The following CFAP299 variants were observed in gnomAD, a reference collection of about 807,000 sequenced individuals.
The protein encoded by CFAP299 is cilia and flagella associated protein 299, also known as cilia- and flagella-associated protein 299.
In CFAP299, 21 loss-of-function variants were observed where a neutral mutation model predicts 27.0. That is an observed-to-expected ratio of 0.78 (90% confidence interval 0.55 to 1.12). The LOEUF (loss-of-function observed/expected upper bound fraction) is 1.12, where lower values mean the gene tolerates loss of function less well. Among genes scored for constraint, CFAP299 ranks in the 50% most tolerant of loss-of-function variants. The pLI is 0.00. For missense variants in CFAP299, 310 were observed against 276.6 expected (o/e 1.12, Z -0.86); for synonymous variants, 104 against 98.1 (o/e 1.06, Z -0.36).
At position 80,767,490 on chromosome 4, in the gene CFAP299, T is replaced by C. The variant is rs571125967; in HGVS notation, c.334-102503T>C. On this transcript the variant is annotated intron_variant, in intron 3 of 5. Coordinates refer to ENST00000358105, the MANE Select transcript of CFAP299 (RefSeq NM_152770.3). ...CAGGCGTGGTGGTGGACGCCTGTAG[T>C]CCCAGCTACTGAGGAGGCTGAGGCA... is the stretch of plus-strand genomic sequence containing the variant. Among the ~76,000 whole-genome samples, 69 of 152,200 alleles carry C rather than the reference T, an allele frequency of 4.5e-4. 1 individual carries two copies. The highest frequency in any genetic ancestry group is 1.6e-3 in the African/African-American group (67 of 41,534).
chr4:80,403,737 A>G (rs1043842456), intron 2 of CFAP299, among the ~76,000 whole-genome samples: 1 of 152,044 alleles, frequency 6.6e-6, no homozygotes, highest in South Asian at 2.1e-4. Context: ...GCGTTGATTG[A>G]TTAATATATG....
chr4:80,490,668 C>A (rs1255291333), intron 2 of CFAP299, among the ~76,000 whole-genome samples: 1 of 152,068 alleles, frequency 6.6e-6, no homozygotes, highest in South Asian at 2.1e-4. Context: ...ATTTAACAAG[C>A]TTTCATGGAT....
intron 2 of CFAP299, among the ~76,000 whole-genome samples, chr4:80,407,152 A>G (rs1221721712): frequency 6.6e-6 from 1 of 152,172 alleles, no homozygotes; most frequent in African/African-American, 2.4e-5. Flanking sequence ...TCAATGAATG[A>G]AAGTATAGGT....
At chr4:80,894,687 G>T (rs1025055508) in intron 4 of CFAP299, among the ~76,000 whole-genome samples, 3 of 151,824 alleles carry the variant, frequency 2.0e-5, no homozygotes, top group African/African-American at 7.2e-5. Context: ...TTCGACTTCT[G>T]CATATATATT....
intron 2 of CFAP299, among the ~76,000 whole-genome samples, chr4:80,376,078 C>T (rs1724393227): frequency 6.6e-6 from 1 of 152,160 alleles, no homozygotes; most frequent in Admixed American, 6.5e-5. Context: ...CCTCATGCCT[C>T]ACTGTATTCT....
At chr4:80,692,226 C>T (rs1442205806) in intron 3 of CFAP299, among the ~76,000 whole-genome samples, 11 of 152,126 alleles carry the variant, frequency 7.2e-5, no homozygotes, top group East Asian at 3.9e-4. Flanking sequence ...AAAAAGAGCC[C>T]GCATCACCAA....
chr4:80,385,117 C>T (rs1724902596), intron 2 of CFAP299, among the ~76,000 whole-genome samples: 1 of 152,264 alleles, frequency 6.6e-6, no homozygotes, highest in South Asian at 2.1e-4. Context: ...AATATCCACT[C>T]TTTCAGCAAT....
chr4:80,902,586 T>TATATATACACACAC (rs370673737), intron 4 of CFAP299, among the ~76,000 whole-genome samples: 5 of 126,674 alleles, frequency 3.9e-5, no homozygotes, highest in African/African-American at 1.2e-4. Flanking sequence ...ATGTAATATA[T>TATATATACACACAC]ACACACACAC....
chr4:80,427,505 A>G (rs1727584439), intron 2 of CFAP299, among the ~76,000 whole-genome samples: 1 of 152,172 alleles, frequency 6.6e-6, no homozygotes, highest in Admixed American at 6.5e-5. Flanking sequence ...AATCTCACGG[A>G]CCTTTTCAGG....
chr4:80,832,690 T>G (rs72881533), intron 3 of CFAP299, among the ~76,000 whole-genome samples: 3 of 152,084 alleles, frequency 2.0e-5, no homozygotes, highest in Non-Finnish European at 2.9e-5. Flanking sequence ...TTCGGAGGTA[T>G]AGCGTTTATT....
intron 3 of CFAP299, among the ~76,000 whole-genome samples, chr4:80,751,205 C>A (rs1470028599): frequency 6.6e-6 from 1 of 152,054 alleles, no homozygotes; most frequent in African/African-American, 2.4e-5. Context: ...CTGGGAGAGA[C>A]CCTCTCTCCC....
intron 2 of CFAP299, among the ~76,000 whole-genome samples, chr4:80,570,728 C>T (rs1340123918): frequency 1.3e-5 from 2 of 152,040 alleles, no homozygotes; most frequent in Middle Eastern, 3.2e-3. Flanking sequence ...TATTACATAG[C>T]TCTTGTATTG....
chr4:80,702,069 A>G (rs1578037799), intron 3 of CFAP299, among the ~76,000 whole-genome samples: 2 of 151,992 alleles, frequency 1.3e-5, no homozygotes, highest in East Asian at 3.9e-4. Flanking sequence ...CAGGTGGGAA[A>G]ATGAGGTGAG....
intron 3 of CFAP299, among the ~76,000 whole-genome samples, chr4:80,795,041 C>A (rs1203899510): frequency 6.6e-6 from 1 of 152,136 alleles, no homozygotes; most frequent in East Asian, 1.9e-4. Flanking sequence ...TGGGAGATGA[C>A]AGGGATGGCT....
rs569847063 is a variant in CFAP299 at position 80,812,904 on chromosome 4, G to C, written c.334-57089G>C. Among the ~76,000 whole-genome samples, 6 of 152,104 alleles carry C rather than the reference G, an allele frequency of 3.9e-5. No individual in the cohort carries two copies. The South Asian group carries it at 1.2e-3, about 31-fold the overall frequency. ...ATGACATCACTAATAGGATTTATAG[G>C]CACATTCATTGACATCTATGGACAT... On this transcript the variant is annotated intron_variant, in intron 3 of 5. Transcript: ENST00000358105.
Position 80,441,368 on chromosome 4 carries a change from C to G in CFAP299, c.242+78484C>G, listed in dbSNP as rs562364870. On this transcript the variant is annotated intron_variant, in intron 2 of 5. Transcript: ENST00000358105. Reference sequence around the variant, plus strand: ...TAACAGCGGATCTCTCTGCAGAAACCCTGCAAGCCAGAAGAGAGTGGGGGC... The same window carrying G: ...TAACAGCGGATCTCTCTGCAGAAACGCTGCAAGCCAGAAGAGAGTGGGGGC... Among the ~76,000 whole-genome samples, 11 of 152,296 alleles carry G rather than the reference C, an allele frequency of 7.2e-5. No homozygotes were observed. The East Asian group carries it at 1.9e-3, about 27-fold the overall frequency.
intron 2 of CFAP299, among the ~76,000 whole-genome samples, chr4:80,372,718 C>T (rs750089413): frequency 1.1e-4 from 16 of 152,088 alleles, no homozygotes; most frequent in African/African-American, 3.6e-4. Flanking sequence ...TTCCAATCAG[C>T]GTGATGTCAC....
chr4:80,410,122 A>G lies in CFAP299; in HGVS notation c.242+47238A>G, dbSNP rs181632791. On this transcript the variant is annotated intron_variant, in intron 2 of 5. Coordinates refer to ENST00000358105, the MANE Select transcript of CFAP299 (RefSeq NM_152770.3). ...AGTATTTGAAAGGTTATTATAGGGAAGATGCAGAACAGATGTTCTTTACTT... is the reference window on the plus strand; with the variant it reads ...AGTATTTGAAAGGTTATTATAGGGAGGATGCAGAACAGATGTTCTTTACTT... 1.2e-4 allele frequency among the ~76,000 whole-genome samples: 19 copies of G among 152,356 alleles called. No individual in the cohort carries two copies. In the East Asian group the frequency reaches 3.7e-3, roughly 29 times the overall value.
At chr4:80,837,845 T>A (rs574935005) in intron 3 of CFAP299, among the ~76,000 whole-genome samples, 94 of 152,256 alleles carry the variant, frequency 6.2e-4, no homozygotes, top group Non-Finnish European at 1.1e-3. Context: ...GGAATCACCA[T>A]CCTGTCTTCC....
Sources: gnomAD v4.1 joint callset for allele counts (sites outside exome capture counted in the v4.1 genomes callset) on GRCh38, gnomAD v4.1.1 for gene constraint, MANE v1.5 for transcripts, NCBI Gene and HGNC (gene_info 2026-07-23, HGNC 2026-07-21) for gene names.